The following DGKB variants were observed in gnomAD, a reference collection of about 807,000 sequenced individuals.
DGKB encodes the protein 90 kDa diacylglycerol kinase.
A neutral mutation model predicts 114.3 loss-of-function variants in DGKB; 67 were observed. The ratio of observed to expected loss-of-function variants is 0.59; its 90% CI spans 0.48 to 0.72. DGKB has a LOEUF of 0.72. Among genes scored for constraint, DGKB ranks in the 30% least tolerant of loss-of-function variants. The pLI is 0.00. For synonymous variants in DGKB, 398 were observed against 323.1 expected (o/e 1.23, Z -2.49); for missense variants, 907 against 975.2 (o/e 0.93, Z 0.93).
rs544091455 is a variant in DGKB, at chr7:14,955,140, T to A, written c.-188+19556A>T. On this transcript the variant is annotated intron_variant, in intron 1 of 4. Transcript: ENST00000437998. Reference sequence around the variant, plus strand: ...ACACTATAAAAAAATTGCTGAGAAATAGAATAAAATTAGGAGATAAATGTG... The same window carrying A: ...ACACTATAAAAAAATTGCTGAGAAAAAGAATAAAATTAGGAGATAAATGTG... Among the ~76,000 whole-genome samples, 3 of 151,936 alleles carry A rather than the reference T, an allele frequency of 2.0e-5. No homozygotes were observed. The East Asian group carries it at 5.8e-4, about 29-fold the overall frequency.
In DGKB at chr7:14,583,086, T is replaced by A; in HGVS notation, c.1485A>T (p.Gly495=). The A allele has an allele frequency of 6.2e-7, 1 of 1,613,454 alleles. No homozygotes were observed. The highest frequency in any genetic ancestry group is 2.2e-5 in the East Asian group (1 of 44,846). ...CCAAAACCCAGCCCACGGTTCCATCTCCACCACAGGCTAACACTCTGAAGT... is the reference window on the plus strand; with the variant it reads ...CCAAAACCCAGCCCACGGTTCCATCACCACCACAGGCTAACACTCTGAAGT... The part of the protein sequence containing the change: ...VPDFRVLACG[G]DGTVGWVLDC... Residue 495 remains glycine, a synonymous_variant, in exon 18 of 26, where the codon GGA becomes GGT. Coordinates refer to ENST00000402815, the MANE Select transcript of DGKB (RefSeq NM_001350709.2).
At chr7:14,632,388 TTA>T (rs1457032771) in intron 13 of DGKB, among the ~76,000 whole-genome samples, 6 of 150,384 alleles carry the variant, frequency 4.0e-5, no homozygotes, top group Admixed American at 6.7e-5. Flanking sequence ...AGCTTCAGCT[TTA>T]TATATATATA....
intron 1 of DGKB, among the ~76,000 whole-genome samples, chr7:14,900,278 C>T (rs559718349): frequency 6.6e-6 from 1 of 152,290 alleles, no homozygotes; most frequent in African/African-American, 2.4e-5. Context: ...AAAGAGAATG[C>T]TATTGCTGGA....
chr7:14,642,762 G>A (rs536267895), intron 13 of DGKB, among the ~76,000 whole-genome samples: 23 of 152,222 alleles, frequency 1.5e-4, no homozygotes, highest in Admixed American at 1.5e-3. Flanking sequence ...TTATTTTGCT[G>A]CATATGGTAT....
At chr7:14,942,925 AT>A (rs566088423) in intron 1 of DGKB, among the ~76,000 whole-genome samples, 54 of 149,754 alleles carry the variant, frequency 3.6e-4, no homozygotes, top group African/African-American at 9.3e-4. Context: ...ATTATATGTG[AT>A]TTTTTTTTTC....
In DGKB at chr7:14,224,405, TCTTTA is replaced by T. The variant is rs773025720; in HGVS notation, c.2123-46259_2123-46255del. Among the ~76,000 whole-genome samples, 159 of 152,096 alleles carry T rather than the reference TCTTTA, an allele frequency of 1.0e-3. 1 individual carries two copies. The highest frequency in any genetic ancestry group is 6.8e-3 in the Middle Eastern group (2 of 294). ...TGCTGTGTTATTGTTATCATTCTCT[TCTTTA>T]CTTTAATCATGATTTCTTACTTCTG... On this transcript the variant is annotated intron_variant, in intron 23 of 25. Coordinates refer to ENST00000402815, the MANE Select transcript of DGKB (RefSeq NM_001350709.2).
At chr7:14,927,143 G>T (rs1366675602) in intron 1 of DGKB, among the ~76,000 whole-genome samples, 1 of 147,756 alleles carries the variant, frequency 6.8e-6, no homozygotes, top group African/African-American at 2.4e-5. Context: ...GTGGTTGGCT[G>T]GTAGATACTT....
intron 23 of DGKB, among the ~76,000 whole-genome samples, chr7:14,236,380 A>C (rs2057970): frequency 0.46 from 70,060 of 151,218 alleles, 16,766 homozygotes; most frequent in African/African-American, 0.6. Flanking sequence ...AAAAAAAGGA[A>C]AATTAATAGC....
chr7:14,809,119 T>A (rs1265683623), intron 2 of DGKB, among the ~76,000 whole-genome samples: 1 of 152,164 alleles, frequency 6.6e-6, no homozygotes, highest in East Asian at 1.9e-4. Flanking sequence ...TACTGCATTA[T>A]AAAACAAGTT....
chr7:14,842,133 A>C (rs998138174), intron 1 of DGKB, among the ~76,000 whole-genome samples: 1 of 152,264 alleles, frequency 6.6e-6, no homozygotes, highest in Non-Finnish European at 1.5e-5. Flanking sequence ...CAATTGCTCA[A>C]TAATCAGCCA....
chr7:14,637,393 C>T (rs1454232910), intron 13 of DGKB, among the ~76,000 whole-genome samples: 1 of 151,750 alleles, frequency 6.6e-6, no homozygotes, highest in Non-Finnish European at 1.5e-5. Context: ...AATGGAAATT[C>T]TGCATGAGTA....
At chr7:14,321,482 T>G (rs10271630) in intron 23 of DGKB, among the ~76,000 whole-genome samples, 15,387 of 151,554 alleles carry the variant, frequency 0.1, 808 homozygotes, top group East Asian at 0.15. Flanking sequence ...CAAGGAACAT[T>G]AGAGAAATGG....
chr7:14,365,750 T>A (rs1248226614), intron 21 of DGKB, among the ~76,000 whole-genome samples: 6 of 152,100 alleles, frequency 3.9e-5, no homozygotes, highest in African/African-American at 1.4e-4. Flanking sequence ...CAAGTGTTAA[T>A]AAGCCTTTTA....
At chr7:14,160,398 C>T (rs1165874676) in intron 25 of DGKB, among the ~76,000 whole-genome samples, 2 of 152,160 alleles carry the variant, frequency 1.3e-5, no homozygotes, top group Admixed American at 6.5e-5. Context: ...CCCCAAAACT[C>T]CTTAAGCTGA....
intron 13 of DGKB, among the ~76,000 whole-genome samples, chr7:14,643,696 C>T (rs1369555451): frequency 6.6e-6 from 1 of 152,148 alleles, no homozygotes; most frequent in African/African-American, 2.4e-5. Context: ...TTGAGAGCCA[C>T]CTGTCTTATC....
intron 1 of DGKB, among the ~76,000 whole-genome samples, chr7:14,929,578 CGTT>C (rs1329253202): frequency 2.0e-5 from 3 of 151,676 alleles, no homozygotes; most frequent in African/African-American, 4.8e-5. Flanking sequence ...TTATTTGTTT[CGTT>C]GTTGTTGAGT....
chr7:14,197,503 G>C (rs1400898766), intron 23 of DGKB, among the ~76,000 whole-genome samples: 2 of 152,034 alleles, frequency 1.3e-5, no homozygotes, highest in East Asian at 3.9e-4. Flanking sequence ...TTGGCTAAAG[G>C]CCAGAGTGCC....
intron 2 of DGKB, among the ~76,000 whole-genome samples, chr7:14,830,966 G>A (rs970854088): frequency 6.6e-6 from 1 of 151,764 alleles, no homozygotes; most frequent in Non-Finnish European, 1.5e-5. Context: ...TGTGTGTTAA[G>A]AGACTTAGTT....
At chr7:14,265,570 C>T (rs1312633119) in intron 23 of DGKB, among the ~76,000 whole-genome samples, 1 of 151,948 alleles carries the variant, frequency 6.6e-6, no homozygotes, top group Non-Finnish European at 1.5e-5. Context: ...TTCTCTAAGA[C>T]CGAGTTAGAT....
Sources: gnomAD v4.1 joint callset for allele counts (sites outside exome capture counted in the v4.1 genomes callset) on GRCh38, gnomAD v4.1.1 for gene constraint, MANE v1.5 for transcripts, NCBI Gene and HGNC (gene_info 2026-07-23, HGNC 2026-07-21) for gene names.